ABCD3: variants seen among roughly 807,000 people sequenced by gnomAD.
ABCD3 encodes the protein ATP-binding cassette sub-family D member 3.
Under a neutral mutation model 105.5 loss-of-function variants are expected in ABCD3, and 41 were observed. That is an observed-to-expected ratio of 0.39 (90% CI 0.30 to 0.50). ABCD3 has a LOEUF of 0.50. ABCD3 is among the 20% of genes least tolerant of loss of function. The pLI is 0.84. For synonymous variants in ABCD3, 258 were observed against 269.0 expected, an observed-to-expected ratio of 0.96 and a Z score of 0.40; for missense variants, 622 against 806.3, an observed-to-expected ratio of 0.77 and a Z score of 2.77.
intron 21 of ABCD3, chr1:94,513,757 G>A (rs890233905): frequency 2.3e-4 from 35 of 151,960 alleles, no homozygotes; most frequent in Non-Finnish European, 4.4e-4. Flanking sequence ...TAAAGAATGT[G>A]TGCATTAAGT....
intron 8 of ABCD3, among the ~76,000 whole-genome samples, chr1:94,479,945 CA>C (rs1375346376): frequency 1.3e-5 from 2 of 151,920 alleles, no homozygotes; most frequent in Non-Finnish European, 2.9e-5. Flanking sequence ...AGAGCTCGTT[CA>C]GGGGGAGCTG....
rs974839820 is a variant in ABCD3, at chr1:94,475,689, A to G, written c.579A>G (p.Val193=). The G allele has an allele frequency of 6.2e-7, 1 of 1,610,558 alleles. No homozygotes were observed. The highest frequency in any genetic ancestry group is 8.5e-7 in the Non-Finnish European group (1 of 1,177,052). ...CAGACCAGCTGCTTACACAAGATGT[A>G]GAAAAATTTTGTAACAGTGTAGTCG... The part of the protein sequence containing the change: ...ANPDQLLTQD[V]EKFCNSVVDL... Residue 193 remains valine, a synonymous_variant, in exon 7 of 23, where the codon GTA becomes GTG. Transcript: ENST00000370214.
At chr1:94,464,645 A>G (rs1648046767) in intron 2 of ABCD3, 130 bp from the exon 3 acceptor site, 1 of 789,256 alleles carries the variant, frequency 1.3e-6, no homozygotes, top group Non-Finnish European at 2.2e-6. Flanking sequence ...GTAAGTATGC[A>G]AGTCTGTGTT....
intron 16 of ABCD3, among the ~76,000 whole-genome samples, chr1:94,497,575 C>T (rs903642775): frequency 5.9e-5 from 9 of 152,222 alleles, no homozygotes; most frequent in Non-Finnish European, 1.2e-4. Context: ...AACTTAACCA[C>T]TCTTTACATT....
chr1:94,515,118 TA>T, intron 21 of ABCD3, 27 bp from the exon 22 acceptor site: 1 of 1,572,080 alleles, frequency 6.4e-7, no homozygotes, highest in African/African-American at 1.3e-5. Flanking sequence ...TGTTACTCAT[TA>T]AACCTAAATC....
intron 12 of ABCD3, 32 bp downstream of exon 12, chr1:94,487,823 C>G: frequency 1.9e-6 from 3 of 1,611,088 alleles, no homozygotes; most frequent in African/African-American, 2.7e-5. Context: ...GAAAATGTAA[C>G]AGTAAAAATA....
At chr1:94,445,504 G>A (rs1436605659) in intron 1 of ABCD3, among the ~76,000 whole-genome samples, 1 of 152,144 alleles carries the variant, frequency 6.6e-6, no homozygotes, top group Non-Finnish European at 1.5e-5. Flanking sequence ...ACACTGATGT[G>A]GAAGGAGAGT....
At position 94,515,218 on chromosome 1, in the gene ABCD3, A is replaced by T. The variant is rs535789049; in HGVS notation, c.1902+16A>T. On this transcript the variant is annotated intron_variant, in intron 22 of 22. Transcript: ENST00000370214. ...ACATCATGAGGTTTGTATTTCTTTC[A>T]TTGAATGGTACAGTGAAATTTTATT... 6.3e-7 allele frequency: 1 copy of T among 1,588,056 alleles called. No individual in the cohort carries two copies. Among genetic ancestry groups the T allele is most frequent in the East Asian group, 2.2e-5 (1 of 44,582 alleles).
intron 1 of ABCD3, among the ~76,000 whole-genome samples, chr1:94,431,998 A>G (rs551225349): frequency 1.3e-5 from 2 of 152,354 alleles, no homozygotes; most frequent in South Asian, 4.1e-4. Flanking sequence ...TAAGTATCAT[A>G]TAATTTCTAA....
At chr1:94,408,962 T>C in the ABCD3 span, among the ~76,000 whole-genome samples, 1 of 152,328 alleles carries the variant, frequency 6.6e-6, no homozygotes, top group South Asian at 2.1e-4. Flanking sequence ...TATACACTCC[T>C]ATGCGCTTTC....
chr1:94,416,392 A>G (rs1179397982), upstream of ABCD3, among the ~76,000 whole-genome samples: 6 of 152,170 alleles, frequency 3.9e-5, no homozygotes, highest in East Asian at 9.6e-4. Context: ...CTAATATAGT[A>G]CTTACCACAT....
chr1:94,458,903 CTGTTA>C (rs977167413), intron 2 of ABCD3, among the ~76,000 whole-genome samples: 1 of 150,424 alleles, frequency 6.6e-6, no homozygotes, highest in Non-Finnish European at 1.5e-5. Flanking sequence ...AGCAGTGACT[CTGTTA>C]TATCTTTTGT....
chr1:94,454,900 C>T (rs2100949645), intron 1 of ABCD3, among the ~76,000 whole-genome samples: 1 of 152,342 alleles, frequency 6.6e-6, no homozygotes, highest in South Asian at 2.1e-4. Context: ...GATCCACTAG[C>T]CTTGGCCTCC....
At position 94,473,784 on chromosome 1, in the gene ABCD3, C is replaced by T. The variant is rs1445623299; in HGVS notation, c.354C>T (p.Ser118=). 1 of 1,612,506 alleles carries T rather than the reference C, an allele frequency of 6.2e-7. No homozygotes were observed. Among genetic ancestry groups the T allele is most frequent in the African/African-American group, 1.3e-5 (1 of 74,600 alleles). Residue 118 remains serine (S), a synonymous_variant, in exon 5 of 23, where the codon AGC becomes AGT. Coordinates refer to ENST00000370214, the MANE Select transcript of ABCD3 (RefSeq NM_002858.4). ...TLIESGIIGR[S]RKDFKRYLLN... ...TTTGCAGTGGTATCATTGGTCGTAG[C>T]AGGAAAGATTTCAAGAGATACTTAC...
chr1:94,470,127 A>G (rs142249697), intron 4 of ABCD3, among the ~76,000 whole-genome samples: 6 of 152,094 alleles, frequency 3.9e-5, no homozygotes, highest in African/African-American at 1.4e-4. Flanking sequence ...TCTTTTTCTG[A>G]GTAAGGATGA....
chr1:94,515,068 T>C, intron 21 of ABCD3, 78 bp from the exon 22 acceptor site: 1 of 1,161,628 alleles, frequency 8.6e-7, no homozygotes, highest in African/African-American at 1.5e-5. Flanking sequence ...ACTGTCCTCT[T>C]AACAGCTTAA....
chr1:94,472,700 A>G (rs898173307), intron 4 of ABCD3, among the ~76,000 whole-genome samples: 6 of 152,128 alleles, frequency 3.9e-5, no homozygotes, highest in African/African-American at 1.2e-4. Context: ...GGATTTCCCA[A>G]ATTTATCCAT....
chr1:94,496,583 G>A (rs538543440), intron 16 of ABCD3, among the ~76,000 whole-genome samples: 7 of 151,112 alleles, frequency 4.6e-5, no homozygotes, highest in African/African-American at 1.7e-4. Flanking sequence ...AGTAAAAGTC[G>A]AAGTTCTTTC....
chr1:94,465,024 G>T (rs774211586), intron 3 of ABCD3, 151 bp downstream of exon 3: 2 of 711,736 alleles, frequency 2.8e-6, no homozygotes, highest in Non-Finnish European at 4.8e-6. Context: ...CACTTCCGGG[G>T]AGGCCTCAGG....
Sources: gnomAD v4.1 joint callset for allele counts (sites outside exome capture counted in the v4.1 genomes callset) on GRCh38, gnomAD v4.1.1 for gene constraint, MANE v1.5 for transcripts, NCBI Gene and HGNC (gene_info 2026-07-23, HGNC 2026-07-21) for gene names.